The following YY1 variants were observed in gnomAD, a reference collection of about 807,000 sequenced individuals.
YY1 encodes the protein transcriptional repressor protein YY1.
YY1 carries 2 observed loss-of-function variants against 35.6 expected under a neutral mutation model. The observed-to-expected ratio is 0.06, with a 90% CI of 0.02 to 0.18. The LOEUF is 0.18. YY1 is among the 10% of genes least tolerant of loss of function. The pLI is 1.00. For missense variants in YY1, 322 were observed against 573.4 expected (o/e 0.56, Z 4.48); for synonymous variants, 268 against 238.9 (o/e 1.12, Z -1.12).
chr14:100,264,420 A>C (rs187218124), intron 2 of YY1, among the ~76,000 whole-genome samples: 30 of 151,966 alleles, frequency 2.0e-4, no homozygotes, highest in African/African-American at 7.2e-4. Context: ...AAAGTGATCC[A>C]CCCACCTTGG....
chr14:100,273,280 ATTATT>A (rs1246477981), intron 2 of YY1, among the ~76,000 whole-genome samples: 3 of 150,246 alleles, frequency 2.0e-5, no homozygotes, highest in Non-Finnish European at 4.4e-5. Flanking sequence ...TTTTTAAATT[ATTATT>A]TTATTTATTT....
At position 100,276,284 on chromosome 14, in the gene YY1, C is replaced by T; in HGVS notation, c.904-206C>T. On this transcript the variant is annotated intron_variant, in intron 3 of 4. Coordinates refer to ENST00000262238, the MANE Select transcript of YY1 (RefSeq NM_003403.5). The surrounding 1 kb of genome is among the most constrained non-coding windows in gnomAD (Gnocchi z 4.1). ...AGCCTCAGTTTCCTCATCTGTAAAA[C>T]TAGGGTTTGCATTGAATGATGACTT... is the stretch of plus-strand genomic sequence containing the variant. The T allele has an allele frequency of 1.5e-6, 1 of 648,888 alleles. No individual in the cohort carries two copies. The highest frequency in any genetic ancestry group is 2.6e-6 in the Non-Finnish European group (1 of 390,910). 40.2% of individuals were successfully genotyped at this position (648,888 alleles called of 1,614,324 possible).
chr14:100,243,637 C>T (rs1457340126), intron 1 of YY1, among the ~76,000 whole-genome samples: 2 of 151,544 alleles, frequency 1.3e-5, no homozygotes, highest in Non-Finnish European at 2.9e-5. Context: ...TGCAAAAAAA[C>T]AAAAAACCCC....
intron 2 of YY1, among the ~76,000 whole-genome samples, chr14:100,266,545 G>C (rs1891159680): frequency 6.6e-6 from 1 of 152,072 alleles, no homozygotes; most frequent in Non-Finnish European, 1.5e-5. Flanking sequence ...AGAAAATCCA[G>C]GGACACATGT....
intron 3 of YY1, 37 bp downstream of exon 3, chr14:100,274,795 TTGA>T (rs1891296156): frequency 6.3e-7 from 1 of 1,587,278 alleles, no homozygotes; most frequent in Non-Finnish European, 8.7e-7. Context: ...CATTAAACTG[TTGA>T]TGAAGTTTTA....
At chr14:100,257,044 ATTC>A in intron 1 of YY1, among the ~76,000 whole-genome samples, 1 of 152,184 alleles carries the variant, frequency 6.6e-6, no homozygotes, top group African/African-American at 2.4e-5. Context: ...GGTTCTTGAT[ATTC>A]TTCAGTGTTG....
At position 100,272,295 on chromosome 14, in the gene YY1, C is replaced by CA. The variant is rs11314810; in HGVS notation, c.843-2389dup. 6.9e-3 allele frequency among the ~76,000 whole-genome samples: 889 copies of CA among 128,704 alleles called. 12 individuals carry two copies. Among genetic ancestry groups the CA allele is most frequent in the African/African-American group, 0.022 (777 of 35,644 alleles). The allele number at this position is 128,704 out of a possible 152,430, so 84.4% of individuals were successfully genotyped here. A position where few individuals can be genotyped will look rare whatever the true frequency, so the allele number is the denominator to read the frequency against. On this transcript the variant is annotated intron_variant, in intron 2 of 4. Transcript: ENST00000262238. The stretch of plus-strand genomic sequence containing the variant: ...TGGGTGACAGAGTGAGACTCTGTCT[C>CA]AAAAAAAAAAAAAAGAAAGAAAAGG...
At chr14:100,252,309 A>G (rs909189862) in intron 1 of YY1, among the ~76,000 whole-genome samples, 1 of 152,194 alleles carries the variant, frequency 6.6e-6, no homozygotes, top group Non-Finnish European at 1.5e-5. Context: ...TTGGTAACAT[A>G]GAAGAACACC....
At chr14:100,254,217 C>T (rs1890967764) in intron 1 of YY1, among the ~76,000 whole-genome samples, 1 of 152,184 alleles carries the variant, frequency 6.6e-6, no homozygotes, top group Admixed American at 6.5e-5. Context: ...GCTTCTTTTA[C>T]AGCATCATAA....
Position 100,239,373 on chromosome 14 carries a change from G to A in YY1, c.129G>A (p.Glu43=), listed in dbSNP as rs1481966917. ...CCATCGAGACCACAGTGGTGGGCGA[G>A]GAGGAGGAGGAGGACGACGACGACG... The part of the protein sequence containing the change: ...VETIETTVVG[E]EEEEDDDDED... The change falls in exon 1 of 5, where the codon GAG becomes GAA. Residue 43 remains glutamate, a synonymous_variant. Coordinates refer to ENST00000262238, the MANE Select transcript of YY1 (RefSeq NM_003403.5). 6 of 1,432,496 alleles carry A rather than the reference G, an allele frequency of 4.2e-6. No individual in the cohort carries two copies. The highest frequency in any genetic ancestry group is 2.9e-5 in the South Asian group (2 of 68,092). The allele number at this position is 1,432,496 out of a possible 1,614,324, so 88.7% of individuals were successfully genotyped here.
intron 1 of YY1, among the ~76,000 whole-genome samples, chr14:100,258,852 G>T (rs1383157318): frequency 1.3e-5 from 2 of 152,260 alleles, no homozygotes; most frequent in African/African-American, 4.8e-5. Flanking sequence ...GCTTTTCATT[G>T]CTGAGAGTGA....
intron 2 of YY1, 67 bp downstream of exon 2, chr14:100,262,533 C>T (rs1364252499): frequency 4.6e-5 from 71 of 1,531,160 alleles, no homozygotes; most frequent in Non-Finnish European, 6.0e-5. Context: ...GCTATGTTTT[C>T]CTGTGCCTAA....
At chr14:100,252,954 G>T (rs573849293) in intron 1 of YY1, among the ~76,000 whole-genome samples, 15 of 152,260 alleles carry the variant, frequency 9.9e-5, no homozygotes, top group Admixed American at 2.0e-4. Context: ...GTTGCTGGAG[G>T]ATCACTTGAG....
rs1218356362 is a variant in YY1 at position 100,279,071 on chromosome 14, A to G, written c.*1471A>G. The stretch of plus-strand genomic sequence containing the variant: ...GGGTGCAAATCGGCAAGGTGATTAG[A>G]TTATTAGAAAATTCTGCTCAATGAG... On this transcript the variant is annotated 3_prime_UTR_variant, in exon 5 of 5. Coordinates refer to ENST00000262238, the MANE Select transcript of YY1 (RefSeq NM_003403.5). 6.6e-6 allele frequency: 1 copy of G among 152,228 alleles called. No homozygotes were observed. Among genetic ancestry groups the G allele is most frequent in the Non-Finnish European group, 1.5e-5 (1 of 68,042 alleles). 9.4% of individuals were successfully genotyped at this position (152,228 alleles called of 1,614,324 possible).
chr14:100,266,958 A>G (rs1891164720), intron 2 of YY1, among the ~76,000 whole-genome samples: 1 of 152,202 alleles, frequency 6.6e-6, no homozygotes, highest in Non-Finnish European at 1.5e-5. Flanking sequence ...AAGATTTCCT[A>G]GTGCACGACA....
intron 1 of YY1, among the ~76,000 whole-genome samples, chr14:100,251,331 A>G (rs1595317567): frequency 1.3e-5 from 2 of 152,356 alleles, no homozygotes; most frequent in South Asian, 2.1e-4. Flanking sequence ...GAATGTAGGC[A>G]GCCTTCAGAA....
rs1427160726 is a variant in YY1, at chr14:100,262,285, A to G, written c.680-19A>G. 4 of 1,612,922 alleles carry G rather than the reference A, an allele frequency of 2.5e-6. No homozygotes were observed. The highest frequency in any genetic ancestry group is 3.4e-6 in the Non-Finnish European group (4 of 1,179,906). On this transcript the variant is annotated intron_variant, in intron 1 of 4. Transcript: ENST00000262238. ...AAATCTATTTACTCAGCTAAAGATA[A>G]TCTCATGATGTGTTTCAGATGAAAA...
At chr14:100,258,366 T>C (rs919050843) in intron 1 of YY1, among the ~76,000 whole-genome samples, 11 of 152,236 alleles carry the variant, frequency 7.2e-5, no homozygotes, top group Admixed American at 5.9e-4. Context: ...CCTGTCTCTT[T>C]TTCGGAATAC....
In YY1 at chr14:100,239,367, G is replaced by C. The variant is rs1890686277; in HGVS notation, c.123G>C (p.Val41=). The C allele has an allele frequency of 6.2e-7, 1 of 1,602,394 alleles. No homozygotes were observed. The highest frequency in any genetic ancestry group is 1.3e-5 in the African/African-American group (1 of 74,496). The change falls in exon 1 of 5, where the codon GTG becomes GTC. Residue 41 remains valine (V), a synonymous_variant. Coordinates refer to ENST00000262238, the MANE Select transcript of YY1 (RefSeq NM_003403.5). ...IPVETIETTV[V]GEEEEEDDDD... ...TGGAGACCATCGAGACCACAGTGGT[G>C]GGCGAGGAGGAGGAGGAGGACGACG...
Sources: allele counts gnomAD v4.1 joint callset (sites outside exome capture counted in the v4.1 genomes callset), GRCh38; gene constraint gnomAD v4.1.1; non-coding constraint Gnocchi (gnomAD v3.1); transcripts MANE v1.5; gene names NCBI Gene and HGNC (gene_info 2026-07-23, HGNC 2026-07-21).